The following CRB1 variants were observed in gnomAD, a reference collection of about 807,000 sequenced individuals.
CRB1 encodes the protein protein crumbs homolog 1.
In CRB1, 83 loss-of-function variants were observed where a neutral mutation model predicts 120.0. The ratio of observed to expected loss-of-function variants is 0.69; its 90% confidence interval spans 0.58 to 0.83. The LOEUF (loss-of-function observed/expected upper bound fraction) is 0.83. Ranked by LOEUF, CRB1 falls within the 40% of genes least tolerant of loss-of-function variation. CRB1 has a pLI of 0.00. For missense variants in CRB1, 1,699 were observed against 1,687.6 expected (o/e 1.01, Z -0.12); for synonymous variants, 625 against 612.5 (o/e 1.02, Z -0.30).
chr1:197,321,711 G>T (rs1473971535), intron 1 of CRB1, among the ~76,000 whole-genome samples: 3 of 152,150 alleles, frequency 2.0e-5, no homozygotes, highest in Admixed American at 6.5e-5. Flanking sequence ...ATGGCATGAA[G>T]AACACTTTAG....
intron 1 of CRB1, among the ~76,000 whole-genome samples, chr1:197,291,038 T>C (rs113492889): frequency 1.6e-4 from 24 of 151,878 alleles, no homozygotes; most frequent in Admixed American, 1.4e-3. Context: ...TTTATACTTA[T>C]ATGACAATCT....
the CRB1 span, among the ~76,000 whole-genome samples, chr1:197,219,714 C>T: frequency 6.6e-6 from 1 of 152,208 alleles, no homozygotes; most frequent in Non-Finnish European, 1.5e-5. Flanking sequence ...TTAAGATACA[C>T]ACCAAAATTC....
intron 2 of CRB1, among the ~76,000 whole-genome samples, chr1:197,329,417 G>A (rs1658723761): frequency 6.6e-6 from 1 of 152,146 alleles, no homozygotes; most frequent in African/African-American, 2.4e-5. Flanking sequence ...GTGCTGACTT[G>A]AGTATTATCA....
At chr1:197,285,055 C>T (rs1655744619) in intron 1 of CRB1, among the ~76,000 whole-genome samples, 1 of 151,782 alleles carries the variant, frequency 6.6e-6, no homozygotes, top group African/African-American at 2.4e-5. Context: ...TCTTGAGAGT[C>T]GTTGCTGAAA....
intron 5 of CRB1, among the ~76,000 whole-genome samples, chr1:197,408,262 A>T (rs1663521500): frequency 6.6e-6 from 1 of 152,168 alleles, no homozygotes; most frequent in Non-Finnish European, 1.5e-5. Context: ...CTGTGAAAGA[A>T]AGTTGGGATT....
chr1:197,409,961 T>C (rs536455270), intron 5 of CRB1, among the ~76,000 whole-genome samples: 1 of 152,042 alleles, frequency 6.6e-6, no homozygotes, highest in Non-Finnish European at 1.5e-5. Context: ...TTTTTTTGTA[T>C]TTTTTAGTAG....
chr1:197,347,597 G>A (rs1659852562), intron 4 of CRB1, 118 bp downstream of exon 4: 1 of 1,090,976 alleles, frequency 9.2e-7, no homozygotes, highest in Non-Finnish European at 1.3e-6. Flanking sequence ...ATTTCTTCTA[G>A]CTAATATTGT....
At chr1:197,286,922 A>G (rs998094617) in intron 1 of CRB1, among the ~76,000 whole-genome samples, 1 of 150,150 alleles carries the variant, frequency 6.7e-6, no homozygotes, top group African/African-American at 2.5e-5. Context: ...AAGAAAAACT[A>G]TTTTGAATTC....
At chr1:197,205,836 A>C in the CRB1 span, among the ~76,000 whole-genome samples, 1 of 149,358 alleles carries the variant, frequency 6.7e-6, no homozygotes, top group African/African-American at 2.5e-5. Flanking sequence ...CCAATTTCTC[A>C]TTCAATGTCT....
At chr1:197,454,078 G>A (rs978090692) in intron 11 of CRB1, among the ~76,000 whole-genome samples, 6 of 150,244 alleles carry the variant, frequency 4.0e-5, no homozygotes, top group Admixed American at 6.7e-5. Flanking sequence ...CTCCTGCCCT[G>A]GCCTCCCAAA....
chr1:197,353,032 A>G (rs979780119), intron 4 of CRB1, among the ~76,000 whole-genome samples: 1 of 152,216 alleles, frequency 6.6e-6, no homozygotes, highest in African/African-American at 2.4e-5. Context: ...TAAAATGAAC[A>G]CAGTCTCTGT....
intron 1 of CRB1, among the ~76,000 whole-genome samples, chr1:197,305,901 T>C (rs1200910818): frequency 3.4e-5 from 4 of 116,454 alleles, no homozygotes; most frequent in Non-Finnish European, 7.6e-5. Context: ...TGAGATCTAA[T>C]TGAAAAAAAA....
At chr1:197,406,177 T>A (rs6689702) in intron 5 of CRB1, among the ~76,000 whole-genome samples, 7 of 152,052 alleles carry the variant, frequency 4.6e-5, no homozygotes, top group Admixed American at 2.6e-4. Flanking sequence ...GATGGTTGCC[T>A]TGTCTGTGTA....
chr1:197,277,581 G>A (rs1331780077), intron 1 of CRB1, among the ~76,000 whole-genome samples: 2 of 152,104 alleles, frequency 1.3e-5, no homozygotes, highest in Non-Finnish European at 2.9e-5. Context: ...TTGCGGGTTT[G>A]CAGCAATAAC....
intron 2 of CRB1, among the ~76,000 whole-genome samples, chr1:197,332,428 ATGTTAT>A (rs1423984598): frequency 6.6e-6 from 1 of 152,178 alleles, no homozygotes; most frequent in Non-Finnish European, 1.5e-5. Context: ...AATCAGCTAC[ATGTTAT>A]TATTTCACCT....
intron 4 of CRB1, among the ~76,000 whole-genome samples, chr1:197,353,326 A>T (rs1660215372): frequency 6.6e-6 from 1 of 152,194 alleles, no homozygotes. Flanking sequence ...TTTTACAGTT[A>T]TGTTAAGGAT....
At chr1:197,372,045 G>T (rs1217647918) in intron 5 of CRB1, among the ~76,000 whole-genome samples, 1 of 152,088 alleles carries the variant, frequency 6.6e-6, no homozygotes, top group East Asian at 1.9e-4. Flanking sequence ...ATATGAATAT[G>T]CCACTCCATG....
the CRB1 span, among the ~76,000 whole-genome samples, chr1:197,229,210 C>T: frequency 3.3e-5 from 5 of 152,226 alleles, no homozygotes; most frequent in South Asian, 2.1e-4. Flanking sequence ...GATATTCTGT[C>T]GTAGTAGCTC....
chr1:197,455,320 T>C (rs1272344456), intron 11 of CRB1, among the ~76,000 whole-genome samples: 1 of 152,176 alleles, frequency 6.6e-6, no homozygotes, highest in African/African-American at 2.4e-5. Flanking sequence ...GACAGCATCG[T>C]GTTAGTTACC....
Sources: gnomAD v4.1 joint callset for allele counts (sites outside exome capture counted in the v4.1 genomes callset) on GRCh38, gnomAD v4.1.1 for gene constraint, MANE v1.5 for transcripts, NCBI Gene and HGNC (gene_info 2026-07-23, HGNC 2026-07-21) for gene names.